Variants in GRID2 observed in about 807,000 individuals in gnomAD.
GRID2 encodes the protein glutamate ionotropic receptor delta type subunit 2.
GRID2 carries 33 observed loss-of-function variants against 114.8 expected under a neutral mutation model. That is an observed-to-expected ratio of 0.29 (90% CI 0.22 to 0.38). The LOEUF (loss-of-function observed/expected upper bound fraction) is 0.38, where lower values mean the gene tolerates loss of function less well. GRID2 is among the 10% of genes least tolerant of loss of function. The probability of loss-of-function intolerance (pLI) is 1.00; values close to 1 mark genes in which losing one functional copy is unlikely to be tolerated. For synonymous variants in GRID2, 505 were observed against 449.9 expected (o/e 1.12, Z -1.55); for missense variants, 1,184 against 1,257.7 (o/e 0.94, Z 0.89).
At chr4:93,516,532 T>C (rs1729750336) in intron 13 of GRID2, among the ~76,000 whole-genome samples, 1 of 152,160 alleles carries the variant, frequency 6.6e-6, no homozygotes, top group African/African-American at 2.4e-5. Flanking sequence ...GCCTCTATCC[T>C]CTTTGCCCTT....
intron 2 of GRID2, among the ~76,000 whole-genome samples, chr4:92,992,586 G>T (rs1438662649): frequency 6.6e-6 from 1 of 151,970 alleles, no homozygotes; most frequent in East Asian, 1.9e-4. Context: ...TATATAATAA[G>T]GAATAATTAG....
rs186574593 is a variant in GRID2 at position 92,360,695 on chromosome 4, T to G, written c.88+55951T>G. Reference sequence around the variant, plus strand: ...TCTTGAAAGATAAGAAGGAATATACTAGGTAGAGAGTGGAAGGGATTGGGG... The same window carrying G: ...TCTTGAAAGATAAGAAGGAATATACGAGGTAGAGAGTGGAAGGGATTGGGG... On this transcript the variant is annotated intron_variant, in intron 1 of 15. Coordinates refer to ENST00000282020, the MANE Select transcript of GRID2 (RefSeq NM_001510.4). Among the ~76,000 whole-genome samples, 238 of 151,850 alleles carry G rather than the reference T, an allele frequency of 1.6e-3. 2 individuals carry two copies. The highest frequency in any genetic ancestry group is 6.8e-3 in the Middle Eastern group (2 of 294).
intron 2 of GRID2, among the ~76,000 whole-genome samples, chr4:93,084,072 C>G (rs191268596): frequency 9.9e-5 from 15 of 151,790 alleles, no homozygotes; most frequent in African/African-American, 3.2e-4. Flanking sequence ...TAAGGCTGAA[C>G]CAGTTATAAA....
chr4:93,600,995 A>G (rs1011748100), intron 13 of GRID2, among the ~76,000 whole-genome samples: 3 of 152,186 alleles, frequency 2.0e-5, no homozygotes, highest in African/African-American at 7.2e-5. Context: ...GAGAAATCAG[A>G]GCAATAGTGC....
chr4:93,635,133 T>C (rs897609103), intron 14 of GRID2, among the ~76,000 whole-genome samples: 1 of 152,012 alleles, frequency 6.6e-6, no homozygotes, highest in Non-Finnish European at 1.5e-5. Flanking sequence ...CCTATTGGTA[T>C]TGTTCTTCTC....
At chr4:92,833,842 A>G (rs1481877761) in intron 2 of GRID2, 2 of 152,180 alleles carry the variant, frequency 1.3e-5, no homozygotes, top group Non-Finnish European at 2.9e-5. Flanking sequence ...GCCTCCTAGA[A>G]TCTTCCTCCA....
chr4:93,153,174 G>T (rs1176398251), intron 4 of GRID2, among the ~76,000 whole-genome samples: 1 of 151,872 alleles, frequency 6.6e-6, no homozygotes, highest in Non-Finnish European at 1.5e-5. Context: ...ACAAAATTCT[G>T]GCCTCCTATT....
intron 2 of GRID2, among the ~76,000 whole-genome samples, chr4:92,790,543 G>A (rs892344701): frequency 6.6e-6 from 1 of 151,670 alleles, no homozygotes; most frequent in Non-Finnish European, 1.5e-5. Flanking sequence ...ACCTGTCCAA[G>A]TAGTTGGGAC....
At chr4:92,982,611 CCAGGATTTTTG>C (rs1754286218) in intron 2 of GRID2, among the ~76,000 whole-genome samples, 2 of 151,988 alleles carry the variant, frequency 1.3e-5, no homozygotes, top group Admixed American at 1.3e-4. Context: ...TCATCTTTCA[CCAGGATTTTTG>C]CAATAGTCTT....
intron 2 of GRID2, among the ~76,000 whole-genome samples, chr4:92,944,509 C>G (rs930554605): frequency 5.3e-5 from 8 of 152,192 alleles, no homozygotes; most frequent in African/African-American, 1.9e-4. Flanking sequence ...ATTCCCTGAC[C>G]CCTTACACTT....
intron 10 of GRID2, 103 bp from the exon 11 acceptor site, chr4:93,455,559 T>A (rs1187555174): frequency 1.5e-6 from 1 of 680,012 alleles, no homozygotes; most frequent in African/African-American, 1.8e-5. Flanking sequence ...AGATTTATAT[T>A]GCCTGAGGCA....
intron 2 of GRID2, among the ~76,000 whole-genome samples, chr4:92,706,107 A>G (rs1734941552): frequency 6.6e-6 from 1 of 152,154 alleles, no homozygotes; most frequent in African/African-American, 2.4e-5. Flanking sequence ...GTGATTCCAG[A>G]CCAAAACCTA....
intron 2 of GRID2, among the ~76,000 whole-genome samples, chr4:92,647,966 G>C (rs956734857): frequency 6.7e-6 from 1 of 149,574 alleles, no homozygotes; most frequent in Non-Finnish European, 1.5e-5. Flanking sequence ...TGCTCATTTT[G>C]TTATACAGAT....
chr4:92,732,731 TTCTA>T (rs974893563), intron 2 of GRID2, among the ~76,000 whole-genome samples: 25 of 152,098 alleles, frequency 1.6e-4, no homozygotes, highest in African/African-American at 5.1e-4. Context: ...CTGTCTATCT[TTCTA>T]TCTATCTACC....
intron 2 of GRID2, among the ~76,000 whole-genome samples, chr4:92,656,354 A>G (rs1280862318): frequency 2.0e-5 from 3 of 151,716 alleles, no homozygotes; most frequent in Non-Finnish European, 4.4e-5. Flanking sequence ...AAAAGCTGCT[A>G]TCCATTGTTC....
chr4:92,870,203 A>G (rs1249045586), intron 2 of GRID2, among the ~76,000 whole-genome samples: 1 of 151,806 alleles, frequency 6.6e-6, no homozygotes, highest in East Asian at 1.9e-4. Flanking sequence ...TCTGTCTCTA[A>G]AAAAGAACAA....
chr4:93,268,449 T>C (rs1391302614), intron 8 of GRID2, among the ~76,000 whole-genome samples: 1 of 152,132 alleles, frequency 6.6e-6, no homozygotes. Flanking sequence ...AGCTTCAACA[T>C]ATGAATTTTT....
intron 14 of GRID2, among the ~76,000 whole-genome samples, chr4:93,628,212 G>A (rs1742902998): frequency 6.6e-6 from 1 of 151,806 alleles, no homozygotes; most frequent in African/African-American, 2.4e-5. Flanking sequence ...ATTCTAAGAG[G>A]AACAAACTAC....
intron 2 of GRID2, among the ~76,000 whole-genome samples, chr4:92,910,162 C>T (rs754957386): frequency 6.6e-6 from 1 of 151,230 alleles, no homozygotes; most frequent in Non-Finnish European, 1.5e-5. Context: ...CATTGATGAC[C>T]AGAATTGAGC....
Sources: gnomAD v4.1 joint callset for allele counts (sites outside exome capture counted in the v4.1 genomes callset) on GRCh38, gnomAD v4.1.1 for gene constraint, MANE v1.5 for transcripts, NCBI Gene and HGNC (gene_info 2026-07-23, HGNC 2026-07-21) for gene names.